The following NTPCR variants were observed in gnomAD, a reference collection of about 807,000 sequenced individuals.
The protein encoded by NTPCR is nucleoside-triphosphatase, cancer-related, also known as cancer-related nucleoside-triphosphatase.
Under a neutral mutation model 19.5 loss-of-function variants are expected in NTPCR, and 15 were observed. The observed-to-expected ratio is 0.77, with a 90% CI of 0.51 to 1.18. NTPCR has a LOEUF of 1.18. NTPCR is among the 50% of genes most tolerant of loss of function. The probability of loss-of-function intolerance (pLI) is 0.00; values close to 1 mark genes in which losing one functional copy is unlikely to be tolerated. For synonymous variants in NTPCR, 90 were observed against 95.8 expected (o/e 0.94, Z 0.36); for missense variants, 206 against 240.4 (o/e 0.86, Z 0.95).
intron 4 of NTPCR, among the ~76,000 whole-genome samples, chr1:232,976,012 A>G (rs1669112911): frequency 6.6e-6 from 1 of 152,256 alleles, no homozygotes; most frequent in Admixed American, 6.5e-5. Context: ...GAATATCATA[A>G]GTGAATACTG....
At chr1:232,973,833 A>G (rs932203164) in intron 4 of NTPCR, among the ~76,000 whole-genome samples, 39 of 152,250 alleles carry the variant, frequency 2.6e-4, no homozygotes, top group African/African-American at 8.7e-4. Flanking sequence ...AGAAAGAATC[A>G]GTGAACTTGA....
At chr1:232,959,809 G>A (rs2102742715) in intron 3 of NTPCR, among the ~76,000 whole-genome samples, 1 of 152,114 alleles carries the variant, frequency 6.6e-6, no homozygotes, top group South Asian at 2.1e-4. Context: ...TAGTTTGAGG[G>A]TTGTATGTAT....
chr1:232,974,685 A>C (rs1317101212), intron 4 of NTPCR, among the ~76,000 whole-genome samples: 1 of 152,240 alleles, frequency 6.6e-6, no homozygotes, highest in East Asian at 1.9e-4. Flanking sequence ...AATATTGAGC[A>C]CGCACTGTAT....
chr1:232,951,906 C>T (rs1668375673), intron 1 of NTPCR, among the ~76,000 whole-genome samples: 1 of 152,144 alleles, frequency 6.6e-6, no homozygotes, highest in African/African-American at 2.4e-5. Flanking sequence ...CAGTTTGATA[C>T]TCAGCAGGCT....
At chr1:232,970,409 G>A (rs1339457979) in intron 4 of NTPCR, among the ~76,000 whole-genome samples, 2 of 152,234 alleles carry the variant, frequency 1.3e-5, no homozygotes, top group African/African-American at 4.8e-5. Context: ...AATTGCCTGA[G>A]CTAAGGTGCT....
At chr1:232,960,255 G>A (rs1668634646) in intron 3 of NTPCR, among the ~76,000 whole-genome samples, 1 of 146,014 alleles carries the variant, frequency 6.8e-6, no homozygotes, top group South Asian at 2.2e-4. Flanking sequence ...GGGAGCTGAA[G>A]AGCAGCTCCA....
chr1:232,975,677 C>T (rs1669105821), intron 4 of NTPCR, among the ~76,000 whole-genome samples: 1 of 152,170 alleles, frequency 6.6e-6, no homozygotes, highest in African/African-American at 2.4e-5. Context: ...AGGATAAATT[C>T]TTACCAAGGG....
At chr1:232,965,057 G>T (rs532454869) in intron 3 of NTPCR, 1 of 152,230 alleles carries the variant, frequency 6.6e-6, no homozygotes, top group Non-Finnish European at 1.5e-5. Context: ...ATCCATACTT[G>T]ATGAAATAAT....
chr1:232,971,393 C>T (rs536755353), intron 4 of NTPCR, among the ~76,000 whole-genome samples: 32 of 152,274 alleles, frequency 2.1e-4, no homozygotes, highest in African/African-American at 7.5e-4. Context: ...CACCTTGGCC[C>T]ACTGGCAGTA....
chr1:232,952,754 T>C lies in NTPCR; in HGVS notation c.34+2010T>C, dbSNP rs529137053. Among the ~76,000 whole-genome samples, 11 of 152,272 alleles carry C rather than the reference T, an allele frequency of 7.2e-5. No homozygotes were observed. The South Asian group carries it at 1.0e-3, about 14-fold the overall frequency. On this transcript the variant is annotated intron_variant, in intron 1 of 4. Transcript: ENST00000366628. ...CAGGTGTTTTTATTTGCCTAGTTTC[T>C]TTCTGTTTTCTCAATATGTTCAGAC...
Position 232,956,402 on chromosome 1 carries a change from C to T in NTPCR, c.253C>T (p.Leu85=), listed in dbSNP as rs1488530569. 2 of 1,613,816 alleles carry T rather than the reference C, an allele frequency of 1.2e-6. No individual in the cohort carries two copies. The highest frequency in any genetic ancestry group is 2.7e-5 in the African/African-American group (2 of 74,910). Residue 85 remains leucine, a synonymous_variant, in exon 3 of 5, where the codon CTG becomes TTG. Coordinates refer to ENST00000366628, the MANE Select transcript of NTPCR (RefSeq NM_032324.3). ...CCGAGTTGGGCAGTATGTGGTCGAC[C>T]TGACTTCTTTTGAGCAGTTGGCACT... The part of the protein sequence containing the change: ...ECRVGQYVVD[L]TSFEQLALPV...
At chr1:232,973,471 G>T (rs187246166) in intron 4 of NTPCR, among the ~76,000 whole-genome samples, 160 of 152,252 alleles carry the variant, frequency 1.1e-3, no homozygotes, top group African/African-American at 3.7e-3. Flanking sequence ...AAGACAGACT[G>T]GCTAGGAACC....
At position 232,950,632 on chromosome 1, in the gene NTPCR, C is replaced by T. The variant is rs1187366749; in HGVS notation, c.-79C>T. 47 of 1,216,360 alleles carry T rather than the reference C, an allele frequency of 3.9e-5. No homozygotes were observed. The highest frequency in any genetic ancestry group is 2.3e-4 in the Middle Eastern group (1 of 4,268). 75.3% of individuals were successfully genotyped at this position (1,216,360 alleles called of 1,614,324 possible). On this transcript the variant is annotated 5_prime_UTR_variant, in exon 1 of 5. Coordinates refer to ENST00000366628, the MANE Select transcript of NTPCR (RefSeq NM_032324.3). ...CGGTGGGCGGGTCCTGAGTCGCGAC[C>T]CTGGTCCGGACCTGACCTGAATTGC...
rs143522237 is a variant in NTPCR, at chr1:232,954,760, G to T, written c.35-797G>T. Among the ~76,000 whole-genome samples the T allele has an allele frequency of 1.2e-3, 187 of 152,308 alleles. 1 individual carries two copies. The highest frequency in any genetic ancestry group is 0.012 in the East Asian group (62 of 5,172). On this transcript the variant is annotated intron_variant, in intron 1 of 4. Coordinates refer to ENST00000366628, the MANE Select transcript of NTPCR (RefSeq NM_032324.3). ...TGTCTGGCTCCATGACGTCAGTGAT[G>T]AGTATTACTATATTAGGTAGCACCT...
Position 232,954,803 on chromosome 1 carries a change from A to G in NTPCR, c.35-754A>G, listed in dbSNP as rs148005048. Reference sequence around the variant, plus strand: ...TAGCACCTGTTGGTGCTTACAAACCAGTGAGTTCATCAGAGTAGTCAGCTG... The same window carrying G: ...TAGCACCTGTTGGTGCTTACAAACCGGTGAGTTCATCAGAGTAGTCAGCTG... On this transcript the variant is annotated intron_variant, in intron 1 of 4. Transcript: ENST00000366628. Among the ~76,000 whole-genome samples the G allele has an allele frequency of 9.4e-3, 1,436 of 152,300 alleles. 80 individuals are homozygous for G. The highest frequency in any genetic ancestry group is 0.087 in the Admixed American group (1,331 of 15,298).
At chr1:232,976,769 T>A (rs1414890851) in intron 4 of NTPCR, 1 of 448,842 alleles carries the variant, frequency 2.2e-6, no homozygotes. Flanking sequence ...AGAAATGGGA[T>A]CACGGGATTG....
At chr1:232,964,709 TTCTC>T (rs1369399731) in intron 3 of NTPCR, 2 of 152,228 alleles carry the variant, frequency 1.3e-5, no homozygotes, top group Admixed American at 1.3e-4. Context: ...TAAGCTGTGC[TTCTC>T]TCTATTTGTA....
At position 232,982,587 on chromosome 1, in the gene NTPCR, G is replaced by A. The variant is rs1029528320; in HGVS notation, c.*4356G>A. On this transcript the variant is annotated 3_prime_UTR_variant, in exon 5 of 5. Transcript: ENST00000366628. Reference sequence around the variant, plus strand: ...ATGAACCTCCCCAGAGAAACGGGATGGAGGAGCACCCAGGGTGCTCTTGCT... The same window carrying A: ...ATGAACCTCCCCAGAGAAACGGGATAGAGGAGCACCCAGGGTGCTCTTGCT... The A allele has an allele frequency of 5.2e-5, 8 of 152,394 alleles. No homozygotes were observed. The highest frequency in any genetic ancestry group is 1.9e-4 in the African/African-American group (8 of 41,590). The allele number at this position is 152,394 out of a possible 1,614,324, so 9.4% of individuals were successfully genotyped here.
At chr1:232,973,316 G>A (rs1183500720) in intron 4 of NTPCR, among the ~76,000 whole-genome samples, 4 of 152,162 alleles carry the variant, frequency 2.6e-5, no homozygotes, top group African/African-American at 9.7e-5. Context: ...TCTTCATAAC[G>A]TTGGGTGAAC....
Sources: gnomAD v4.1 joint callset for allele counts (sites outside exome capture counted in the v4.1 genomes callset) on GRCh38, gnomAD v4.1.1 for gene constraint, MANE v1.5 for transcripts, NCBI Gene and HGNC (gene_info 2026-07-23, HGNC 2026-07-21) for gene names.